Variants in HCAR1 observed in about 807,000 individuals in gnomAD.
HCAR1 encodes the protein hydroxycarboxylic acid receptor 1.
For synonymous variants in HCAR1, 183 were observed against 182.1 expected (o/e 1.01, Z -0.04); for missense variants, 445 against 448.7 (o/e 0.99, Z 0.07).
chr12:122,730,274 G>C lies in HCAR1; in HGVS notation c.66C>G (p.Leu22=), dbSNP rs200264106. The change falls in exon 1 of 1, where the codon CTC becomes CTG. Residue 22 remains leucine, a synonymous_variant. Coordinates refer to ENST00000432564, the MANE Select transcript of HCAR1 (RefSeq NM_032554.4). ...GTGCGCCCAGCACAAAGGCCACAAT[G>C]AGCAGCGGCGGCATCACCTGGGAGA... ...DTISQVMPPL[L]IVAFVLGALG... 1.3e-5 allele frequency: 21 copies of C among 1,608,038 alleles called. No individual in the cohort carries two copies. The Admixed American group carries it at 2.5e-4, about 19-fold the overall frequency.
chr12:122,729,231 C>T lies in HCAR1; in HGVS notation c.*68G>A. 2 of 1,481,942 alleles carry T rather than the reference C, an allele frequency of 1.3e-6. No individual in the cohort carries two copies. Among genetic ancestry groups the T allele is most frequent in the Non-Finnish European group, 1.8e-6 (2 of 1,082,106 alleles). The allele number at this position is 1,481,942 out of a possible 1,614,324, so 91.8% of individuals were successfully genotyped here. On this transcript the variant is annotated 3_prime_UTR_variant, in exon 1 of 1. Coordinates refer to ENST00000432564, the MANE Select transcript of HCAR1 (RefSeq NM_032554.4). ...AAGGGGGGTGGCATTTTCAAAGCCC[C>T]CGACCCCTTAGCACGAGTTAATTCT...
chr12:122,727,957 G>A lies in HCAR1; in HGVS notation c.*1342C>T, dbSNP rs1388737911. On this transcript the variant is annotated 3_prime_UTR_variant, in exon 1 of 1. Coordinates refer to ENST00000432564, the MANE Select transcript of HCAR1 (RefSeq NM_032554.4). ...GAGTCCTCTGTTTCGAGGGGTCCAG[G>A]TACACATTTGGGAAACTCATGTGTA... is the stretch of plus-strand genomic sequence containing the variant. The A allele has an allele frequency of 6.6e-6, 1 of 152,152 alleles. No homozygotes were observed. Among genetic ancestry groups the A allele is most frequent in the East Asian group, 1.9e-4 (1 of 5,194 alleles). 9.4% of individuals were successfully genotyped at this position (152,152 alleles called of 1,614,324 possible).
rs764542423 is a variant in HCAR1, at chr12:122,729,331, G to T, written c.1009C>A (p.Gln337Lys). 6.2e-7 allele frequency: 1 copy of T among 1,614,052 alleles called. No individual in the cohort carries two copies. Among genetic ancestry groups the T allele is most frequent in the East Asian group, 2.2e-5 (1 of 44,878 alleles). ...ANSFQSQSDG[Q>K]WDPHIVEWH is the part of the protein sequence containing the mutation. ...CACTCAACAATGTGGGGATCCCATT[G>T]CCCATCAGACTGGCTTTGGAAACTA... is the stretch of plus-strand genomic sequence containing the variant. Residue 337 changes from glutamine to lysine, a missense_variant, in exon 1 of 1, where the codon CAA (glutamine) becomes AAA (lysine). Transcript: ENST00000432564.
rs71085843 is a variant in HCAR1 at position 122,726,928 on chromosome 12, A to AC, written c.*2370_*2371insG. The stretch of plus-strand genomic sequence containing the variant: ...ACTCTGTCTCAAAAAAAAAAAAAAA[A>AC]ATATATATATATATAGATAGATAGA... On this transcript the variant is annotated 3_prime_UTR_variant, in exon 1 of 1. Coordinates refer to ENST00000432564, the MANE Select transcript of HCAR1 (RefSeq NM_032554.4). 2 of 110,096 alleles carry AC rather than the reference A, an allele frequency of 1.8e-5. No individual in the cohort carries two copies. Among genetic ancestry groups the AC allele is most frequent in the Non-Finnish European group, 3.6e-5 (2 of 56,044 alleles). 6.8% of individuals were successfully genotyped at this position (110,096 alleles called of 1,614,324 possible).
In HCAR1 at chr12:122,729,236, C is replaced by A. The variant is rs1877867772; in HGVS notation, c.*63G>T. The A allele has an allele frequency of 6.7e-7, 1 of 1,502,738 alleles. No individual in the cohort carries two copies. The allele number at this position is 1,502,738 out of a possible 1,614,324, so 93.1% of individuals were successfully genotyped here. Reference sequence around the variant, plus strand: ...GGGTGGCATTTTCAAAGCCCCCGACCCCTTAGCACGAGTTAATTCTAAGTC... The same window carrying A: ...GGGTGGCATTTTCAAAGCCCCCGACACCTTAGCACGAGTTAATTCTAAGTC... On this transcript the variant is annotated 3_prime_UTR_variant, in exon 1 of 1. Transcript: ENST00000432564.
chr12:122,729,679 A>G lies in HCAR1; in HGVS notation c.661T>C (p.Phe221Leu). 1 of 1,613,912 alleles carries G rather than the reference A, an allele frequency of 6.2e-7. No homozygotes were observed. The highest frequency in any genetic ancestry group is 8.5e-7 in the Non-Finnish European group (1 of 1,180,008). Reference protein sequence around the residue: ...RQARMKKATRFIMVVAIVFIT... With the variant: ...RQARMKKATRLIMVVAIVFIT... ...AACACAATTGCCACCACCATGATGAACCGGGTCGCCTTCTTCATCCGAGCC... is the reference window on the plus strand; with the variant it reads ...AACACAATTGCCACCACCATGATGAGCCGGGTCGCCTTCTTCATCCGAGCC... Residue 221 changes from phenylalanine to leucine, a missense_variant, in exon 1 of 1, where the codon TTC (phenylalanine) becomes CTC (leucine). Coordinates refer to ENST00000432564, the MANE Select transcript of HCAR1 (RefSeq NM_032554.4).
At position 122,729,022 on chromosome 12, in the gene HCAR1, T is replaced by A. The variant is rs35439674; in HGVS notation, c.*277A>T. ...AGGGCTGTGCAGTTCCTAGCCCCCC[T>A]CCCAACACACACATGCTCCACTCCA... is the stretch of plus-strand genomic sequence containing the variant. On this transcript the variant is annotated 3_prime_UTR_variant, in exon 1 of 1. Coordinates refer to ENST00000432564, the MANE Select transcript of HCAR1 (RefSeq NM_032554.4). The A allele has an allele frequency of 1.2e-3, 546 of 474,018 alleles. 2 individuals carry two copies. Among genetic ancestry groups the A allele is most frequent in the Non-Finnish European group, 1.9e-3 (487 of 261,444 alleles). The allele number at this position is 474,018 out of a possible 1,614,324, so 29.4% of individuals were successfully genotyped here. A position where few individuals can be genotyped will look rare whatever the true frequency, so the allele number is the denominator to read the frequency against.
rs1877892249 is a variant in HCAR1 at position 122,729,836 on chromosome 12, G to A, written c.504C>T (p.Phe168=). ...VQETAVSCES[F]IMESANGWHD... ...GCCAGCCATTGGCCGACTCCATGAT[G>A]AAGCTCTCACAGGAGACGGCCGTCT... Residue 168 remains phenylalanine, a synonymous_variant, in exon 1 of 1, where the codon TTC becomes TTT. Transcript: ENST00000432564. 3 of 1,610,406 alleles carry A rather than the reference G, an allele frequency of 1.9e-6. No homozygotes were observed. The highest frequency in any genetic ancestry group is 1.3e-5 in the African/African-American group (1 of 74,894).
Position 122,730,326 on chromosome 12 carries a change from G to T in HCAR1, c.14C>A (p.Ser5Ter), listed in dbSNP as rs1313934258. 1.3e-6 allele frequency: 2 copies of T among 1,580,386 alleles called. No homozygotes were observed. Among genetic ancestry groups the T allele is most frequent in the Admixed American group, 1.8e-5 (1 of 56,912 alleles). The change falls in exon 1 of 1, where the codon TCG (serine) becomes TAG (stop). Residue 5 changes from serine to a stop codon, truncating the protein, a stop_gained. Coordinates refer to ENST00000432564, the MANE Select transcript of HCAR1 (RefSeq NM_032554.4). LOFTEE classifies it low-confidence loss of function (END_TRUNC). MYNG[S>*]CCRIEGDTIS... ...GGTGTCCCCCTCGATGCGGCAGCAC[G>T]ACCCGTTGTACATGGCGGGGACAGA...
chr12:122,727,228 A>C lies in HCAR1; in HGVS notation c.*2071T>G, dbSNP rs1027911465. On this transcript the variant is annotated 3_prime_UTR_variant, in exon 1 of 1. Coordinates refer to ENST00000432564, the MANE Select transcript of HCAR1 (RefSeq NM_032554.4). The stretch of plus-strand genomic sequence containing the variant: ...CAGGAGTTTGAGGCTGCAGTGAGCT[A>C]TGATCATGCCACTCACTGCACTCCA... 11 of 135,768 alleles carry C rather than the reference A, an allele frequency of 8.1e-5. No homozygotes were observed. The highest frequency in any genetic ancestry group is 2.2e-4 in the African/African-American group (8 of 36,178). The allele number at this position is 135,768 out of a possible 1,614,324, so 8.4% of individuals were successfully genotyped here.
chr12:122,730,734 T>C lies in HCAR1; in HGVS notation c.-395A>G, dbSNP rs1877929901. 5.9e-6 allele frequency: 1 copy of C among 169,772 alleles called. No homozygotes were observed. Among genetic ancestry groups the C allele is most frequent in the Admixed American group, 6.2e-5 (1 of 16,044 alleles). The allele number at this position is 169,772 out of a possible 1,614,324, so 10.5% of individuals were successfully genotyped here. On this transcript the variant is annotated 5_prime_UTR_variant, in exon 1 of 1. Transcript: ENST00000432564. ...TCCAGCGCCAGAGTAATTTTCATTT[T>C]CAGCTTCGCTGTTCCTCCTCGGACT...
chr12:122,730,335 T>A lies in HCAR1; in HGVS notation c.5A>T (p.Tyr2Phe), dbSNP rs1566052812. ...CTCGATGCGGCAGCACGACCCGTTG[T>A]ACATGGCGGGGACAGAGCAAGTGTC... The part of the protein sequence containing the change: M[Y>F]NGSCCRIEGD... Residue 2 changes from tyrosine to phenylalanine, a missense_variant, in exon 1 of 1, where the codon TAC becomes TTC. By Grantham distance (22) the Tyr-to-Phe change is conservative (BLOSUM62 3). Coordinates refer to ENST00000432564, the MANE Select transcript of HCAR1 (RefSeq NM_032554.4). The A allele has an allele frequency of 6.4e-7, 1 of 1,572,426 alleles. No individual in the cohort carries two copies. Among genetic ancestry groups the A allele is most frequent in the African/African-American group, 1.4e-5 (1 of 73,948 alleles).
rs1239095702 is a variant in HCAR1 at position 122,727,394 on chromosome 12, A to G, written c.*1905T>C. The G allele has an allele frequency of 6.6e-6, 1 of 152,130 alleles. No individual in the cohort carries two copies. The highest frequency in any genetic ancestry group is 2.4e-5 in the African/African-American group (1 of 41,422). 9.4% of individuals were successfully genotyped at this position (152,130 alleles called of 1,614,324 possible). A position where few individuals can be genotyped will look rare whatever the true frequency, so the allele number is the denominator to read the frequency against. ...CGTACTTTTCATCACTAGGCTGCACAGTGCCTCTGAAAAAAGGAATAATAG... is the reference window on the plus strand; with the variant it reads ...CGTACTTTTCATCACTAGGCTGCACGGTGCCTCTGAAAAAAGGAATAATAG... On this transcript the variant is annotated 3_prime_UTR_variant, in exon 1 of 1. Coordinates refer to ENST00000432564, the MANE Select transcript of HCAR1 (RefSeq NM_032554.4).
Position 122,729,917 on chromosome 12 carries a change from G to A in HCAR1, c.423C>T (p.Ala141=), listed in dbSNP as rs751994688. The change falls in exon 1 of 1, where the codon GCC becomes GCT. Residue 141 remains alanine (A), a synonymous_variant. Transcript: ENST00000432564. ...GATACACTGTTCCCAGGATGACCAG[G>A]GCCCACAGGGTGCAGACGATGCCAG... ...VAAGIVCTLW[A]LVILGTVYLL... The A allele has an allele frequency of 1.1e-5, 18 of 1,612,374 alleles. No individual in the cohort carries two copies. The highest frequency in any genetic ancestry group is 3.3e-5 in the Admixed American group (2 of 59,966).
rs1374828225 is a variant in HCAR1, at chr12:122,728,332, C to T, written c.*967G>A. 4 of 152,194 alleles carry T rather than the reference C, an allele frequency of 2.6e-5. No individual in the cohort carries two copies. The highest frequency in any genetic ancestry group is 5.9e-5 in the Non-Finnish European group (4 of 68,026). The allele number at this position is 152,194 out of a possible 1,614,324, so 9.4% of individuals were successfully genotyped here. A position where few individuals can be genotyped will look rare whatever the true frequency, so the allele number is the denominator to read the frequency against. On this transcript the variant is annotated 3_prime_UTR_variant, in exon 1 of 1. Coordinates refer to ENST00000432564, the MANE Select transcript of HCAR1 (RefSeq NM_032554.4). ...ATCCCTCAGCACCTTCTTTGAAATA[C>T]AAAGATTTGAAGAAGGTCAGAGCAG... is the stretch of plus-strand genomic sequence containing the variant.
Position 122,729,825 on chromosome 12 carries a change from G to A in HCAR1, c.515C>T (p.Ser172Leu), listed in dbSNP as rs61742326. 3.5e-3 allele frequency: 5,657 copies of A among 1,609,692 alleles called. 30 individuals are homozygous for A. Among genetic ancestry groups the A allele is most frequent in the Middle Eastern group, 0.03 (180 of 6,058 alleles). The change falls in exon 1 of 1, where the codon TCG (serine) becomes TTG (leucine). Residue 172 changes from serine to leucine, a missense_variant. Transcript: ENST00000432564. ...AVSCESFIME[S>L]ANGWHDIMFQ... ...CATGATGTCATGCCAGCCATTGGCC[G>A]ACTCCATGATGAAGCTCTCACAGGA...
chr12:122,729,623 A>G lies in HCAR1; in HGVS notation c.717T>C (p.Ala239=), dbSNP rs1409855354. Residue 239 remains alanine, a synonymous_variant, in exon 1 of 1, where the codon GCT becomes GCC. Transcript: ENST00000432564. ...GCACCGTCCAGAGGAAATAGAGTCT[A>G]GCAGACACGCTGGGCAGGTAGCATG... ...FITCYLPSVS[A]RLYFLWTVPS... The G allele has an allele frequency of 1.2e-6, 2 of 1,614,156 alleles. No homozygotes were observed. Among genetic ancestry groups the G allele is most frequent in the Admixed American group, 1.7e-5 (1 of 59,998 alleles).
chr12:122,726,945 A>C lies in HCAR1; in HGVS notation c.*2354T>G, dbSNP rs1385634017. The C allele has an allele frequency of 6.8e-6, 1 of 147,288 alleles. No individual in the cohort carries two copies. The highest frequency in any genetic ancestry group is 1.5e-5 in the Non-Finnish European group (1 of 66,882). The allele number at this position is 147,288 out of a possible 1,614,324, so 9.1% of individuals were successfully genotyped here. ...AAAAAAAAAATATATATATATATAG[A>C]TAGATAGATATCTATATATCTCTAT... On this transcript the variant is annotated 3_prime_UTR_variant, in exon 1 of 1. Transcript: ENST00000432564.
Position 122,729,420 on chromosome 12 carries a change from G to A in HCAR1, c.920C>T (p.Thr307Ile), listed in dbSNP as rs1484358760. 6.2e-7 allele frequency: 1 copy of A among 1,613,958 alleles called. No homozygotes were observed. The highest frequency in any genetic ancestry group is 1.1e-5 in the South Asian group (1 of 91,090). ...AATTGGCATCTCTTCCGGCCTTTGTGTTTTTGAGTGTCCTGGCTGCTTGGG... is the reference window on the plus strand; with the variant it reads ...AATTGGCATCTCTTCCGGCCTTTGTATTTTTGAGTGTCCTGGCTGCTTGGG... ...LKPKQPGHSK[T>I]QRPEEMPISN... is the part of the protein sequence containing the mutation. The change falls in exon 1 of 1, where the codon ACA becomes ATA. Residue 307 changes from threonine to isoleucine, a missense_variant. By Grantham distance (89) the Thr-to-Ile change is moderately conservative. Transcript: ENST00000432564.
Sources: allele counts gnomAD v4.1 joint callset, GRCh38; gene constraint gnomAD v4.1.1; transcripts MANE v1.5; gene names NCBI Gene and HGNC (gene_info 2026-07-23, HGNC 2026-07-21).